Variants in TRPC4 observed in about 807,000 individuals in gnomAD.
The protein encoded by TRPC4 is short transient receptor potential channel 4.
In TRPC4, 49 loss-of-function variants were observed where a neutral mutation model predicts 99.4. The ratio of observed to expected loss-of-function variants is 0.49; its 90% CI spans 0.39 to 0.63. TRPC4 has a LOEUF of 0.63. Among genes scored for constraint, TRPC4 ranks in the 20% least tolerant of loss-of-function variants. TRPC4 has a pLI of 0.00. For synonymous variants in TRPC4, 454 were observed against 425.9 expected (o/e 1.07, Z -0.81); for missense variants, 898 against 1,152.9 (o/e 0.78, Z 3.20).
intron 3 of TRPC4, among the ~76,000 whole-genome samples, chr13:37,729,889 A>T (rs1177315438): frequency 6.6e-6 from 1 of 152,096 alleles, no homozygotes; most frequent in Admixed American, 6.6e-5. Flanking sequence ...AGATGGAAGC[A>T]GTTCTAGAGT....
intron 4 of TRPC4, among the ~76,000 whole-genome samples, chr13:37,691,403 G>A (rs1953705863): frequency 6.6e-6 from 1 of 151,954 alleles, no homozygotes; most frequent in African/African-American, 2.4e-5. Context: ...TGCACCCGGC[G>A]GGAAAACAAG....
chr13:37,771,650 C>T (rs1364600574), intron 2 of TRPC4, among the ~76,000 whole-genome samples: 1 of 150,640 alleles, frequency 6.6e-6, no homozygotes, highest in South Asian at 2.1e-4. Context: ...CATTTTATAA[C>T]CTAAGAAATA....
At chr13:37,818,659 G>A (rs529777346) in intron 1 of TRPC4, among the ~76,000 whole-genome samples, 1 of 152,222 alleles carries the variant, frequency 6.6e-6, no homozygotes, top group Non-Finnish European at 1.5e-5. Context: ...CAGGGACATG[G>A]ATGAAGCTGG....
At chr13:37,644,636 C>T (rs9547993) in intron 8 of TRPC4, among the ~76,000 whole-genome samples, 7,727 of 151,796 alleles carry the variant, frequency 0.051, 358 homozygotes, top group Admixed American at 0.13. Context: ...TCTGGGAGGC[C>T]GAAGAGGGTG....
At chr13:37,772,268 A>G (rs1232726785) in intron 2 of TRPC4, among the ~76,000 whole-genome samples, 2 of 151,754 alleles carry the variant, frequency 1.3e-5, no homozygotes, top group African/African-American at 4.8e-5. Context: ...TGGGAGGGAA[A>G]ATATGTCCAA....
intron 1 of TRPC4, among the ~76,000 whole-genome samples, chr13:37,804,014 A>G (rs1322783254): frequency 3.3e-5 from 5 of 152,082 alleles, no homozygotes; most frequent in Non-Finnish European, 7.4e-5. Flanking sequence ...GCTCTGGAGG[A>G]TGACAGCCTA....
intron 1 of TRPC4, among the ~76,000 whole-genome samples, chr13:37,795,625 T>G (rs530425184): frequency 2.3e-4 from 35 of 152,180 alleles, no homozygotes; most frequent in Non-Finnish European, 4.4e-4. Context: ...GCAGGATTCT[T>G]AAAGTAATGG....
intron 1 of TRPC4, among the ~76,000 whole-genome samples, chr13:37,855,987 G>A (rs1386668711): frequency 6.6e-6 from 1 of 151,442 alleles, no homozygotes; most frequent in Non-Finnish European, 1.5e-5. Context: ...AAAAGCAATA[G>A]CAAGCTAAAC....
At chr13:37,768,420 C>T (rs1266931551) in intron 2 of TRPC4, among the ~76,000 whole-genome samples, 1 of 151,428 alleles carries the variant, frequency 6.6e-6, no homozygotes, top group Non-Finnish European at 1.5e-5. Flanking sequence ...GAGGGACATT[C>T]TTACTCTTCC....
intron 3 of TRPC4, among the ~76,000 whole-genome samples, chr13:37,743,653 T>C (rs576042139): frequency 1.3e-5 from 2 of 152,254 alleles, no homozygotes; most frequent in South Asian, 2.1e-4. Context: ...CTATGAAATA[T>C]ATGTTGAAAC....
At chr13:37,637,699 T>C in intron 10 of TRPC4, 74 bp from the exon 11 acceptor site, 1 of 1,417,916 alleles carries the variant, frequency 7.1e-7, no homozygotes, top group South Asian at 1.4e-5. Context: ...GTCTCATATA[T>C]GGGTCAGAAA....
chr13:37,710,945 A>T (rs1370248064), intron 3 of TRPC4, among the ~76,000 whole-genome samples: 3 of 151,974 alleles, frequency 2.0e-5, no homozygotes, highest in Non-Finnish European at 4.4e-5. Flanking sequence ...GTAATTAGTT[A>T]TTCTCTCTTA....
intron 1 of TRPC4, among the ~76,000 whole-genome samples, chr13:37,785,083 G>C (rs1159933829): frequency 6.6e-6 from 1 of 151,994 alleles, no homozygotes; most frequent in African/African-American, 2.4e-5. Flanking sequence ...ACTCACTCTA[G>C]AATAACAGGA....
At chr13:37,818,485 T>C (rs1957925875) in intron 1 of TRPC4, among the ~76,000 whole-genome samples, 1 of 152,088 alleles carries the variant, frequency 6.6e-6, no homozygotes, top group South Asian at 2.1e-4. Flanking sequence ...CATACTACTA[T>C]AAAGATACAT....
intron 1 of TRPC4, among the ~76,000 whole-genome samples, chr13:37,839,298 TAGTAAAGGTGATG>T (rs1409761979): frequency 6.6e-6 from 1 of 152,134 alleles, no homozygotes; most frequent in Non-Finnish European, 1.5e-5. Context: ...GTAAGGACTA[TAGTAAAGGTGATG>T]AGTTCCTGGC....
chr13:37,723,358 T>C (rs550808544), intron 3 of TRPC4, among the ~76,000 whole-genome samples: 2 of 151,916 alleles, frequency 1.3e-5, no homozygotes, highest in African/African-American at 2.4e-5. Flanking sequence ...AATAGAAAAA[T>C]AGACAAGATA....
chr13:37,837,846 A>G (rs1304110921), intron 1 of TRPC4, among the ~76,000 whole-genome samples: 1 of 152,170 alleles, frequency 6.6e-6, no homozygotes, highest in Non-Finnish European at 1.5e-5. Flanking sequence ...TCCCCACTCA[A>G]ATCTCATCTT....
intron 1 of TRPC4, among the ~76,000 whole-genome samples, chr13:37,822,844 A>C: frequency 6.6e-6 from 1 of 151,846 alleles, no homozygotes; most frequent in East Asian, 1.9e-4. Context: ...AGGAATCGCC[A>C]CACTGACTTC....
At chr13:37,824,283 G>A (rs1958129422) in intron 1 of TRPC4, among the ~76,000 whole-genome samples, 1 of 144,838 alleles carries the variant, frequency 6.9e-6, no homozygotes, top group Non-Finnish European at 1.5e-5. Flanking sequence ...CTGCCTAATT[G>A]CCCTGGCCAG....
Sources: allele counts gnomAD v4.1 joint callset (sites outside exome capture counted in the v4.1 genomes callset), GRCh38; gene constraint gnomAD v4.1.1; transcripts MANE v1.5; gene names NCBI Gene and HGNC (gene_info 2026-07-23, HGNC 2026-07-21).